AP3S1: variants seen among roughly 807,000 people sequenced by gnomAD.
AP3S1 encodes AP-3 complex subunit sigma-1.
In AP3S1, 12 loss-of-function variants were observed where a neutral mutation model predicts 21.3. The observed-to-expected ratio is 0.56, with a 90% CI of 0.36 to 0.91. The LOEUF (loss-of-function observed/expected upper bound fraction) is 0.91. AP3S1 is among the 40% of genes least tolerant of loss of function. The pLI is 0.01. For synonymous variants in AP3S1, 48 were observed against 78.4 expected, an observed-to-expected ratio of 0.61 and a Z score of 2.05; for missense variants, 116 against 225.0, an observed-to-expected ratio of 0.52 and a Z score of 3.10.
Position 115,885,255 on chromosome 5 carries a change from A to G in AP3S1, c.274-9832A>G, listed in dbSNP as rs535995563. Among the ~76,000 whole-genome samples the G allele has an allele frequency of 1.5e-4, 23 of 152,274 alleles. No homozygotes were observed. The South Asian group carries it at 2.5e-3, about 16-fold the overall frequency. On this transcript the variant is annotated intron_variant, in intron 3 of 5. Transcript: ENST00000316788. ...TTATTAGGGAGAATTGGCTCACACA[A>G]TCACAAGGCAAAGTCCTACAATAGG...
intron 3 of AP3S1, among the ~76,000 whole-genome samples, chr5:115,884,109 G>T (rs1170458177): frequency 1.3e-5 from 2 of 152,060 alleles, no homozygotes; most frequent in Admixed American, 1.3e-4. Context: ...TTCAGTGGTT[G>T]CTGAGATCTA....
At chr5:115,884,131 C>T (rs934591971) in intron 3 of AP3S1, among the ~76,000 whole-genome samples, 1 of 151,976 alleles carries the variant, frequency 6.6e-6, no homozygotes, top group Non-Finnish European at 1.5e-5. Context: ...TAATGTGGTA[C>T]CCTATAAAAC....
intron 3 of AP3S1, among the ~76,000 whole-genome samples, chr5:115,884,631 T>A (rs1204320007): frequency 1.3e-5 from 2 of 152,222 alleles, no homozygotes; most frequent in Admixed American, 1.3e-4. Flanking sequence ...TTACATAGAT[T>A]TATAAAAGCC....
intron 5 of AP3S1, chr5:115,903,857 C>A (rs1751420362): frequency 6.6e-6 from 1 of 152,032 alleles, no homozygotes; most frequent in Non-Finnish European, 1.5e-5. Flanking sequence ...CATTTGAGTT[C>A]AGGAGTTCGA....
At chr5:115,843,076 G>A (rs1250692777) in intron 1 of AP3S1, among the ~76,000 whole-genome samples, 1 of 152,194 alleles carries the variant, frequency 6.6e-6, no homozygotes, top group Non-Finnish European at 1.5e-5. Context: ...TCGAGGAAGG[G>A]TTTTATAGAG....
chr5:115,895,492 G>A (rs1348193647), intron 4 of AP3S1, among the ~76,000 whole-genome samples: 1 of 152,162 alleles, frequency 6.6e-6, no homozygotes, highest in African/African-American at 2.4e-5. Flanking sequence ...TAAGGGATTA[G>A]TAGATATATC....
intron 3 of AP3S1, among the ~76,000 whole-genome samples, chr5:115,874,836 G>A (rs968918586): frequency 6.6e-6 from 1 of 151,966 alleles, no homozygotes; most frequent in African/African-American, 2.4e-5. Context: ...AGAAAGACCT[G>A]TGAATTAAAG....
intron 1 of AP3S1, among the ~76,000 whole-genome samples, chr5:115,843,138 A>G (rs1346007665): frequency 6.6e-6 from 1 of 151,954 alleles, no homozygotes; most frequent in Admixed American, 6.6e-5. Flanking sequence ...ATAAAATTGG[A>G]CTCCCAGTGG....
chr5:115,843,117 A>G (rs1026233085), intron 1 of AP3S1, among the ~76,000 whole-genome samples: 1 of 152,234 alleles, frequency 6.6e-6, no homozygotes, highest in Non-Finnish European at 1.5e-5. Flanking sequence ...AGAATTCGCT[A>G]GCTGAAACAC....
intron 3 of AP3S1, among the ~76,000 whole-genome samples, chr5:115,874,600 C>T (rs565020029): frequency 6.6e-6 from 1 of 151,986 alleles, no homozygotes; most frequent in Non-Finnish European, 1.5e-5. Flanking sequence ...TAGAAAGATA[C>T]GTTCTGACCA....
chr5:115,889,810 TA>T (rs144817182), intron 3 of AP3S1, among the ~76,000 whole-genome samples: 28,478 of 150,930 alleles, frequency 0.19, 2,905 homozygotes, highest in African/African-American at 0.21. Flanking sequence ...ACCATGTCTT[TA>T]AAAAAAAATG....
At chr5:115,871,641 A>C (rs570404874) in intron 3 of AP3S1, among the ~76,000 whole-genome samples, 1 of 152,070 alleles carries the variant, frequency 6.6e-6, no homozygotes, top group East Asian at 1.9e-4. Flanking sequence ...CCTTGTGTAC[A>C]CTGAACTCCT....
At chr5:115,848,969 T>C (rs554774819) in intron 1 of AP3S1, among the ~76,000 whole-genome samples, 51 of 152,344 alleles carry the variant, frequency 3.3e-4, no homozygotes, top group African/African-American at 1.2e-3. Flanking sequence ...GAAGCCCTTG[T>C]AGAGTTAGGC....
chr5:115,877,911 A>G (rs965443281), intron 3 of AP3S1, among the ~76,000 whole-genome samples: 3 of 152,194 alleles, frequency 2.0e-5, no homozygotes, highest in Non-Finnish European at 4.4e-5. Context: ...ATGAGATGGT[A>G]TCTCATTGTG....
At chr5:115,902,649 G>C (rs1449467187) in intron 4 of AP3S1, among the ~76,000 whole-genome samples, 1 of 152,122 alleles carries the variant, frequency 6.6e-6, no homozygotes, top group East Asian at 1.9e-4. Flanking sequence ...ACAGTCCTAT[G>C]AAGGTAGTAC....
intron 5 of AP3S1, among the ~76,000 whole-genome samples, chr5:115,906,193 C>T (rs1751641026): frequency 6.6e-6 from 1 of 151,958 alleles, no homozygotes; most frequent in African/African-American, 2.4e-5. Flanking sequence ...TGTTTAAAAT[C>T]GAGAATGTCA....
intron 1 of AP3S1, among the ~76,000 whole-genome samples, chr5:115,865,592 C>T (rs1321804053): frequency 3.3e-5 from 5 of 152,152 alleles, no homozygotes; most frequent in South Asian, 4.1e-4. Context: ...GGCTCTACAT[C>T]GTTGTCAACA....
At position 115,895,216 on chromosome 5, in the gene AP3S1, C is replaced by A; in HGVS notation, c.345+58C>A. 5 of 1,212,966 alleles carry A rather than the reference C, an allele frequency of 4.1e-6. No individual in the cohort carries two copies. The South Asian group carries it at 4.8e-5, about 12-fold the overall frequency. 75.1% of individuals were successfully genotyped at this position (1,212,966 alleles called of 1,614,324 possible). A position where few individuals can be genotyped will look rare whatever the true frequency, so the allele number is the denominator to read the frequency against. ...AAGAAAAACATTAACTTATAATTGTCATAGCAAAAATGGCTTTAATGAATA... is the reference window on the plus strand; with the variant it reads ...AAGAAAAACATTAACTTATAATTGTAATAGCAAAAATGGCTTTAATGAATA... On this transcript the variant is annotated intron_variant, in intron 4 of 5. Coordinates refer to ENST00000316788, the MANE Select transcript of AP3S1 (RefSeq NM_001284.4).
chr5:115,895,503 A>AT (rs1750683980), intron 4 of AP3S1, among the ~76,000 whole-genome samples: 1 of 151,856 alleles, frequency 6.6e-6, no homozygotes, highest in African/African-American at 2.4e-5. Flanking sequence ...TAGATATATC[A>AT]TACATAGAAA....
Sources: allele counts gnomAD v4.1 joint callset (sites outside exome capture counted in the v4.1 genomes callset), GRCh38; gene constraint gnomAD v4.1.1; transcripts MANE v1.5; gene names NCBI Gene and HGNC (gene_info 2026-07-23, HGNC 2026-07-21).